TLL2: variants seen among roughly 807,000 people sequenced by gnomAD.
TLL2 encodes tolloid-like protein 2.
TLL2 carries 106 observed loss-of-function variants against 123.0 expected under a neutral mutation model. The observed-to-expected ratio is 0.86, with a 90% CI of 0.74 to 1.01. TLL2 has a LOEUF of 1.01. TLL2 is among the 50% of genes least tolerant of loss of function. The pLI, the probability that TLL2 is intolerant of heterozygous loss-of-function variation, is 0.00. For missense variants in TLL2, 1,332 were observed against 1,336.7 expected (o/e 1.00, Z 0.06); for synonymous variants, 494 against 516.8 (o/e 0.96, Z 0.60).
At chr10:96,421,982 ATTC>A (rs1846628654) in intron 6 of TLL2, among the ~76,000 whole-genome samples, 1 of 152,260 alleles carries the variant, frequency 6.6e-6, no homozygotes, top group Non-Finnish European at 1.5e-5. Flanking sequence ...AGGCAATCAT[ATTC>A]TTCAACTAGC....
At position 96,376,677 on chromosome 10, in the gene TLL2, A is replaced by G. The variant is rs1846140394; in HGVS notation, c.2448+15T>C. On this transcript the variant is annotated intron_variant, in intron 18 of 20. Transcript: ENST00000357947. ...CTCAAGTCCACATTCTCAATAAACTACAAAAATGACTCACGAGTTTCACTC... is the reference window on the plus strand; with the variant it reads ...CTCAAGTCCACATTCTCAATAAACTGCAAAAATGACTCACGAGTTTCACTC... The G allele has an allele frequency of 1.2e-6, 2 of 1,609,690 alleles. No homozygotes were observed. The highest frequency in any genetic ancestry group is 1.7e-6 in the Non-Finnish European group (2 of 1,178,078).
rs572216040 is a variant in TLL2, at chr10:96,498,026, G to A, written c.175+15485C>T. ...GTAATGGAGAGAGGATGCAGTTTAG[G>A]TCCTAATAACCCAAAGCTTCTTGGG... is the stretch of plus-strand genomic sequence containing the variant. On this transcript the variant is annotated intron_variant, in intron 1 of 20. Transcript: ENST00000357947. Among the ~76,000 whole-genome samples, 14 of 152,264 alleles carry A rather than the reference G, an allele frequency of 9.2e-5. 1 individual carries two copies. In the South Asian group the frequency reaches 2.5e-3, roughly 27 times the overall value.
At chr10:96,462,626 A>G (rs1160002036) in intron 2 of TLL2, among the ~76,000 whole-genome samples, 4 of 152,368 alleles carry the variant, frequency 2.6e-5, no homozygotes, top group African/African-American at 9.6e-5. Context: ...ATCAACCGAT[A>G]GATACATAAC....
At chr10:96,419,270 C>T (rs143838037) in intron 7 of TLL2, among the ~76,000 whole-genome samples, 18 of 152,218 alleles carry the variant, frequency 1.2e-4, no homozygotes, top group South Asian at 2.1e-4. Context: ...CCATCTGCAT[C>T]GGATTGAGAA....
At chr10:96,498,226 C>T (rs981255326) in intron 1 of TLL2, among the ~76,000 whole-genome samples, 7 of 152,160 alleles carry the variant, frequency 4.6e-5, no homozygotes, top group South Asian at 2.1e-4. Flanking sequence ...TGGAAAGACA[C>T]GCTAGGCGGA....
At chr10:96,510,734 G>A (rs1847620683) in intron 1 of TLL2, among the ~76,000 whole-genome samples, 1 of 152,128 alleles carries the variant, frequency 6.6e-6, no homozygotes, top group African/African-American at 2.4e-5. Flanking sequence ...AATTAGAAAT[G>A]GTAAAATTAC....
At chr10:96,502,506 G>A (rs1028896425) in intron 1 of TLL2, among the ~76,000 whole-genome samples, 1 of 152,168 alleles carries the variant, frequency 6.6e-6, no homozygotes, top group African/African-American at 2.4e-5. Context: ...AGAATTGACA[G>A]CACTTGTGTT....
intron 1 of TLL2, among the ~76,000 whole-genome samples, chr10:96,506,542 T>C (rs1847581892): frequency 6.6e-6 from 1 of 150,502 alleles, no homozygotes; most frequent in Non-Finnish European, 1.5e-5. Flanking sequence ...TCTAGGAGCC[T>C]CTTCTGCTGA....
chr10:96,428,779 A>G (rs747407579), intron 4 of TLL2, 31 bp from the exon 5 acceptor site: 1 of 1,381,880 alleles, frequency 7.2e-7, no homozygotes, highest in Non-Finnish European at 1.0e-6. Flanking sequence ...CTCGACTTCA[A>G]TGATGGGTCC....
Position 96,428,662 on chromosome 10 carries a change from T to A in TLL2, c.607A>T (p.Ser203Cys). 1 of 1,614,104 alleles carries A rather than the reference T, an allele frequency of 6.2e-7. No individual in the cohort carries two copies. Among genetic ancestry groups the A allele is most frequent in the Non-Finnish European group, 8.5e-7 (1 of 1,179,946 alleles). The change falls in exon 5 of 21, where the codon AGC becomes TGC. Residue 203 changes from serine (S) to cysteine (C), a missense_variant. Transcript: ENST00000357947. The part of the protein sequence containing the change: ...VTFIERTDEE[S>C]FIVFSYRTCG... ...GTTCTGTAACTGAATACAATAAAGC[T>A]TTCCTCATCCGTCCTTTCTATGAAG... is the stretch of plus-strand genomic sequence containing the variant.
At chr10:96,393,255 T>C in intron 13 of TLL2, among the ~76,000 whole-genome samples, 1 of 152,224 alleles carries the variant, frequency 6.6e-6, no homozygotes, top group Non-Finnish European at 1.5e-5. Context: ...TGTGGTAAAT[T>C]GCTACAGCAG....
chr10:96,425,107 T>G (rs979821899), intron 5 of TLL2, among the ~76,000 whole-genome samples: 1 of 151,968 alleles, frequency 6.6e-6, no homozygotes, highest in Non-Finnish European at 1.5e-5. Flanking sequence ...GTTACCCAAA[T>G]TTGTGTATAG....
At chr10:96,497,118 TAA>T (rs746284130) in intron 1 of TLL2, among the ~76,000 whole-genome samples, 7 of 140,038 alleles carry the variant, frequency 5.0e-5, no homozygotes, top group African/African-American at 7.9e-5. Flanking sequence ...CTGTCTCTGC[TAA>T]AAAAAAAAAA....
chr10:96,434,921 A>T (rs190325131), intron 3 of TLL2, among the ~76,000 whole-genome samples: 7 of 151,498 alleles, frequency 4.6e-5, no homozygotes, highest in Non-Finnish European at 7.4e-5. Flanking sequence ...TTTGATTTTC[A>T]TTTCCCCAAT....
intron 18 of TLL2, chr10:96,375,395 G>C (rs1846128707): frequency 6.6e-6 from 1 of 152,238 alleles, no homozygotes; most frequent in Non-Finnish European, 1.5e-5. Flanking sequence ...ACGTGAGTCT[G>C]TGAGCCTCGG....
chr10:96,401,492 C>T (rs60687573), intron 10 of TLL2, among the ~76,000 whole-genome samples: 3 of 136,988 alleles, frequency 2.2e-5, no homozygotes, highest in East Asian at 2.3e-4. Context: ...CGGTTACAGG[C>T]GCTGGCACTC....
intron 2 of TLL2, among the ~76,000 whole-genome samples, chr10:96,463,083 T>A (rs139709098): frequency 3.1e-4 from 47 of 152,294 alleles, no homozygotes; most frequent in African/African-American, 1.1e-3. Flanking sequence ...CAAATAAATG[T>A]TTGCAAGTAG....
At chr10:96,387,707 T>C (rs1290021317) in intron 13 of TLL2, among the ~76,000 whole-genome samples, 2 of 151,726 alleles carry the variant, frequency 1.3e-5, no homozygotes, top group African/African-American at 4.8e-5. Flanking sequence ...AGCAGGGGCG[T>C]TGGATGGGAT....
At chr10:96,484,286 G>T (rs769967951) in intron 1 of TLL2, among the ~76,000 whole-genome samples, 1 of 152,130 alleles carries the variant, frequency 6.6e-6, no homozygotes, top group Non-Finnish European at 1.5e-5. Flanking sequence ...GAAACAGCCC[G>T]CTCTATCAGG....
Sources: gnomAD v4.1 joint callset for allele counts (sites outside exome capture counted in the v4.1 genomes callset) on GRCh38, gnomAD v4.1.1 for gene constraint, MANE v1.5 for transcripts, NCBI Gene and HGNC (gene_info 2026-07-23, HGNC 2026-07-21) for gene names.